RBFOX1: variants seen among roughly 807,000 people sequenced by gnomAD.
The protein encoded by RBFOX1 is RNA binding fox-1 homolog 1, also known as RNA binding protein fox-1 homolog 1.
Under a neutral mutation model 57.7 loss-of-function variants are expected in RBFOX1, and 8 were observed. That is an observed-to-expected ratio of 0.14 (90% confidence interval 0.08 to 0.25). The LOEUF (loss-of-function observed/expected upper bound fraction) is 0.25, where lower values mean the gene tolerates loss of function less well. Ranked by LOEUF, RBFOX1 falls within the 10% of genes least tolerant of loss-of-function variation. RBFOX1 has a pLI of 1.00. For synonymous variants in RBFOX1, 326 were observed against 222.4 expected, an observed-to-expected ratio of 1.47 and a Z score of -4.15; for missense variants, 611 against 548.5, an observed-to-expected ratio of 1.11 and a Z score of -1.14.
intron 2 of RBFOX1, among the ~76,000 whole-genome samples, chr16:5,558,920 G>A (rs1436923138): frequency 6.6e-6 from 1 of 152,156 alleles, no homozygotes; most frequent in African/African-American, 2.4e-5. Context: ...CCACCCCTTA[G>A]ATATGGAATC....
chr16:6,191,540 C>T (rs1456637723), intron 1 of RBFOX1, among the ~76,000 whole-genome samples: 2 of 152,100 alleles, frequency 1.3e-5, no homozygotes, highest in African/African-American at 4.8e-5. Flanking sequence ...GAGTATACCA[C>T]TGAATGCATT....
chr16:6,366,540 C>G (rs1481931823), intron 2 of RBFOX1, among the ~76,000 whole-genome samples: 2 of 152,170 alleles, frequency 1.3e-5, no homozygotes, highest in Non-Finnish European at 2.9e-5. Flanking sequence ...CCTGAATTTT[C>G]TCTATATCAC....
intron 1 of RBFOX1, among the ~76,000 whole-genome samples, chr16:6,314,948 T>G (rs1196807908): frequency 6.6e-6 from 1 of 152,204 alleles, no homozygotes; most frequent in Admixed American, 6.5e-5. Flanking sequence ...CCGTTGCCAC[T>G]TCCTTGATGG....
intron 4 of RBFOX1, among the ~76,000 whole-genome samples, chr16:7,229,774 G>GAGAGGAAGGAAGGGAGAA (rs2093379452): frequency 1.4e-5 from 1 of 72,600 alleles, no homozygotes; most frequent in African/African-American, 5.4e-5. Flanking sequence ...GGAAGGGAGA[G>GAGAGGAAGGAAGGGAGAA]AGAGGAAGGA....
chr16:5,554,747 C>T (rs1316488337), intron 2 of RBFOX1, among the ~76,000 whole-genome samples: 1 of 152,116 alleles, frequency 6.6e-6, no homozygotes, highest in East Asian at 1.9e-4. Context: ...AATTGATCAA[C>T]AAAGAGAAGC....
intron 3 of RBFOX1, among the ~76,000 whole-genome samples, chr16:6,785,746 A>T (rs1157317065): frequency 6.6e-6 from 1 of 152,188 alleles, no homozygotes; most frequent in Non-Finnish European, 1.5e-5. Context: ...CAATTCCACT[A>T]TTGTTATCAT....
chr16:7,564,315 A>G (rs979940797), intron 5 of RBFOX1, among the ~76,000 whole-genome samples: 5 of 151,856 alleles, frequency 3.3e-5, no homozygotes, highest in African/African-American at 9.7e-5. Flanking sequence ...AGAGGTGGGT[A>G]GATCGCGAGG....
In RBFOX1 at chr16:6,664,044, C is replaced by G. The variant is rs181116766; in HGVS notation, c.-16+9394C>G. Among the ~76,000 whole-genome samples, 336 of 152,306 alleles carry G rather than the reference C, an allele frequency of 2.2e-3. 2 individuals carry two copies. The highest frequency in any genetic ancestry group is 7.7e-3 in the African/African-American group (319 of 41,564). On this transcript the variant is annotated intron_variant, in intron 3 of 15. Transcript: ENST00000550418. ...CTGTGTCACATGGACTGTGATATCACCATGAGAAATGGTCAGGTGTGTAAA... is the reference window on the plus strand; with the variant it reads ...CTGTGTCACATGGACTGTGATATCAGCATGAGAAATGGTCAGGTGTGTAAA...
rs71142677 is a variant in RBFOX1, at chr16:6,082,347, ATTTT to A, written c.-127+62380_-127+62383del. ...ATGTGCCTGTCACCACACCTGGCTA[ATTTT>A]TTTTTTTTTTTTTTTTTTTTTTTTG... On this transcript the variant is annotated intron_variant, in intron 1 of 15. Transcript: ENST00000550418. Among the ~76,000 whole-genome samples the A allele has an allele frequency of 8.4e-3, 346 of 41,050 alleles. 1 individual carries two copies. The highest frequency in any genetic ancestry group is 0.028 in the African/African-American group (332 of 11,890). 26.9% of individuals were successfully genotyped at this position (41,050 alleles called of 152,430 possible).
At chr16:6,775,162 A>G (rs1459785485) in intron 3 of RBFOX1, among the ~76,000 whole-genome samples, 2 of 142,338 alleles carry the variant, frequency 1.4e-5, no homozygotes, top group African/African-American at 5.7e-5. Context: ...CGTCTCTACT[A>G]AAAGTACAAA....
chr16:7,409,175 C>T (rs1389546144), intron 4 of RBFOX1, among the ~76,000 whole-genome samples: 2 of 152,212 alleles, frequency 1.3e-5, no homozygotes, highest in Non-Finnish European at 2.9e-5. Flanking sequence ...ACCTCTCCGT[C>T]TCAGGCTGCT....
intron 3 of RBFOX1, among the ~76,000 whole-genome samples, chr16:5,657,821 C>A (rs1462806477): frequency 6.7e-6 from 1 of 149,724 alleles, no homozygotes; most frequent in Non-Finnish European, 1.5e-5. Flanking sequence ...TAACCTTCAC[C>A]TCCCAGTTCA....
chr16:7,279,430 G>A (rs1010402176), intron 4 of RBFOX1, among the ~76,000 whole-genome samples: 11 of 152,094 alleles, frequency 7.2e-5, no homozygotes, highest in African/African-American at 1.2e-4. Context: ...TCTGTTACTC[G>A]TTTATTCAGC....
intron 4 of RBFOX1, among the ~76,000 whole-genome samples, chr16:7,062,893 A>T (rs9927210): frequency 0.63 from 29,709 of 47,482 alleles, 9,411 homozygotes; most frequent in East Asian, 0.86. Flanking sequence ...AATGATCGCC[A>T]TTTTTTTTTT....
At chr16:5,304,776 G>A (rs2063891636) in intron 1 of RBFOX1, among the ~76,000 whole-genome samples, 1 of 152,068 alleles carries the variant, frequency 6.6e-6, no homozygotes, top group South Asian at 2.1e-4. Context: ...ATTTCTCTGT[G>A]GAAGAGGAAT....
At chr16:6,303,068 CA>C (rs1204299873) in intron 1 of RBFOX1, among the ~76,000 whole-genome samples, 2 of 152,100 alleles carry the variant, frequency 1.3e-5, no homozygotes, top group Admixed American at 1.3e-4. Context: ...ATAACTGCAC[CA>C]AGTTTGCCTT....
At chr16:6,919,872 G>T (rs1359897222) in intron 3 of RBFOX1, among the ~76,000 whole-genome samples, 1 of 148,342 alleles carries the variant, frequency 6.7e-6, no homozygotes, top group Non-Finnish European at 1.5e-5. Flanking sequence ...TGAGATTTTG[G>T]TGCACCCATC....
chr16:7,418,323 A>G (rs1369137985), intron 4 of RBFOX1, among the ~76,000 whole-genome samples: 5 of 152,200 alleles, frequency 3.3e-5, no homozygotes, highest in African/African-American at 1.2e-4. Flanking sequence ...GGGGGACTTC[A>G]TGCCCAATTT....
intron 2 of RBFOX1, among the ~76,000 whole-genome samples, chr16:5,506,179 G>A (rs971322585): frequency 6.6e-6 from 1 of 152,104 alleles, no homozygotes; most frequent in Non-Finnish European, 1.5e-5. Context: ...ACAGTGTTCC[G>A]GGAACTTTCT....
Sources: gnomAD v4.1 joint callset for allele counts (sites outside exome capture counted in the v4.1 genomes callset) on GRCh38, gnomAD v4.1.1 for gene constraint, MANE v1.5 for transcripts, NCBI Gene and HGNC (gene_info 2026-07-23, HGNC 2026-07-21) for gene names.